Variants in PTPRK observed in about 807,000 individuals in gnomAD.
The protein encoded by PTPRK is receptor-type tyrosine-protein phosphatase kappa.
Under a neutral mutation model 178.0 loss-of-function variants are expected in PTPRK, and 75 were observed. The ratio of observed to expected loss-of-function variants is 0.42; its 90% CI spans 0.35 to 0.51. The LOEUF (loss-of-function observed/expected upper bound fraction) is 0.51, where lower values mean the gene tolerates loss of function less well. Ranked by LOEUF, PTPRK falls within the 20% of genes least tolerant of loss-of-function variation. The pLI is 0.02. For synonymous variants in PTPRK, 637 were observed against 620.6 expected (o/e 1.03, Z -0.39); for missense variants, 1,441 against 1,797.8 (o/e 0.80, Z 3.59).
intron 2 of PTPRK, among the ~76,000 whole-genome samples, chr6:128,381,086 A>T (rs1431946539): frequency 6.6e-6 from 1 of 152,080 alleles, no homozygotes; most frequent in Non-Finnish European, 1.5e-5. Flanking sequence ...CCAGTGTCTC[A>T]GCTTTAAATG....
Position 127,983,337 on chromosome 6 carries a change from T to A in PTPRK, c.3292A>T (p.Ile1098Phe). 6.2e-7 allele frequency: 1 copy of A among 1,613,822 alleles called. No homozygotes were observed. The highest frequency in any genetic ancestry group is 8.5e-7 in the Non-Finnish European group (1 of 1,179,774). ...TCTCTTTCAGCCATGTCTAGCATGA[T>A]GTCAATCACAATGTAGCAGCCAGTT... The part of the protein sequence containing the change: ...GRTGCYIVID[I>F]MLDMAEREGV... The change falls in exon 23 of 30, where the codon ATC becomes TTC. Residue 1098 changes from isoleucine to phenylalanine, a missense_variant. Ile to Phe is a conservative substitution (Grantham distance 21). Coordinates refer to ENST00000368226, the MANE Select transcript of PTPRK (RefSeq NM_002844.4).
intron 1 of PTPRK, among the ~76,000 whole-genome samples, chr6:128,411,596 T>A (rs1842315399): frequency 6.6e-6 from 1 of 152,210 alleles, no homozygotes; most frequent in Non-Finnish European, 1.5e-5. Context: ...ACAATTATAA[T>A]CTTTAGCTGC....
At chr6:128,510,817 T>C (rs1857064611) in intron 1 of PTPRK, among the ~76,000 whole-genome samples, 1 of 151,966 alleles carries the variant, frequency 6.6e-6, no homozygotes, top group Non-Finnish European at 1.5e-5. Flanking sequence ...CAAAAATTTT[T>C]TAATCTTAAA....
At chr6:128,272,725 A>T (rs543893437) in intron 3 of PTPRK, among the ~76,000 whole-genome samples, 4 of 152,282 alleles carry the variant, frequency 2.6e-5, no homozygotes, top group African/African-American at 4.8e-5. Flanking sequence ...GCTGGAGAGG[A>T]TGTAGAGAAA....
rs989876919 is a variant in PTPRK, at chr6:127,985,893, G to A, written c.3097-18C>T. The A allele has an allele frequency of 6.3e-7, 1 of 1,588,606 alleles. No individual in the cohort carries two copies. Among genetic ancestry groups the A allele is most frequent in the African/African-American group, 1.3e-5 (1 of 74,380 alleles). On this transcript the variant is annotated intron_variant, in intron 21 of 29. Transcript: ENST00000368226. ...TACCCCCTCTGTGCAAAGATGGAAA[G>A]AAATGTTTTCAAAAGCCATTTTAAT... is the stretch of plus-strand genomic sequence containing the variant.
intron 6 of PTPRK, among the ~76,000 whole-genome samples, chr6:128,211,312 A>G (rs1349591937): frequency 6.6e-6 from 1 of 152,142 alleles, no homozygotes; most frequent in Non-Finnish European, 1.5e-5. Flanking sequence ...AAAATTAATA[A>G]TCATGAACTA....
intron 6 of PTPRK, among the ~76,000 whole-genome samples, chr6:128,194,875 A>G (rs1029774518): frequency 6.6e-6 from 1 of 152,210 alleles, no homozygotes; most frequent in East Asian, 1.9e-4. Context: ...AAGGACTTGG[A>G]GTACAATAAC....
chr6:128,183,851 A>G (rs921168885), intron 7 of PTPRK, among the ~76,000 whole-genome samples: 1 of 152,052 alleles, frequency 6.6e-6, no homozygotes, highest in African/African-American at 2.4e-5. Context: ...ACTCAGTTTT[A>G]GTCATGAGGA....
intron 7 of PTPRK, among the ~76,000 whole-genome samples, chr6:128,102,219 A>G (rs1470700398): frequency 6.6e-6 from 1 of 152,232 alleles, no homozygotes; most frequent in Non-Finnish European, 1.5e-5. Flanking sequence ...AAGAACAAGT[A>G]TCTTTATCAA....
chr6:128,493,379 A>G (rs62425732), intron 1 of PTPRK, among the ~76,000 whole-genome samples: 20,310 of 151,940 alleles, frequency 0.13, 1,706 homozygotes, highest in Non-Finnish European at 0.19. Flanking sequence ...TGGCTAACAC[A>G]GTGAAACCCT....
At chr6:128,468,921 CAAAAAAAA>C (rs375371831) in intron 1 of PTPRK, among the ~76,000 whole-genome samples, 2 of 90,600 alleles carry the variant, frequency 2.2e-5, no homozygotes, top group Non-Finnish European at 4.5e-5. Context: ...AACACCTTTT[CAAAAAAAA>C]AAAAAAAAAA....
intron 8 of PTPRK, among the ~76,000 whole-genome samples, chr6:128,086,706 G>A (rs1460740306): frequency 2.6e-5 from 4 of 152,042 alleles, no homozygotes; most frequent in Non-Finnish European, 2.9e-5. Context: ...GACACATCAA[G>A]TATTCTATGT....
chr6:128,349,991 C>T (rs1832915589), intron 2 of PTPRK, among the ~76,000 whole-genome samples: 1 of 152,058 alleles, frequency 6.6e-6, no homozygotes, highest in Non-Finnish European at 1.5e-5. Context: ...GGAAGAATAG[C>T]ACATATGGGC....
intron 7 of PTPRK, among the ~76,000 whole-genome samples, chr6:128,156,819 C>G (rs4897249): frequency 0.022 from 3,312 of 151,982 alleles, 100 homozygotes; most frequent in African/African-American, 0.046. Flanking sequence ...ATACATGTGT[C>G]TGTATGTATA....
chr6:128,230,205 A>G (rs1812068739), intron 5 of PTPRK, among the ~76,000 whole-genome samples: 1 of 152,234 alleles, frequency 6.6e-6, no homozygotes, highest in African/African-American at 2.4e-5. Context: ...TGAAGAGGGC[A>G]TTAGTATGCA....
intron 13 of PTPRK, among the ~76,000 whole-genome samples, chr6:128,046,069 G>A (rs965431806): frequency 2.6e-5 from 4 of 152,080 alleles, no homozygotes; most frequent in African/African-American, 9.7e-5. Context: ...GGAAATATTA[G>A]TGCCTAACAA....
At chr6:128,047,141 T>C (rs1188924693) in intron 13 of PTPRK, among the ~76,000 whole-genome samples, 1 of 152,164 alleles carries the variant, frequency 6.6e-6, no homozygotes, top group Non-Finnish European at 1.5e-5. Context: ...CTGGTATGTC[T>C]TATGCATTTG....
At chr6:128,268,490 C>T (rs1021652030) in intron 3 of PTPRK, among the ~76,000 whole-genome samples, 3 of 152,086 alleles carry the variant, frequency 2.0e-5, no homozygotes, top group East Asian at 1.9e-4. Context: ...CTTATGATTT[C>T]GCCTTTCTTG....
intron 1 of PTPRK, among the ~76,000 whole-genome samples, chr6:128,445,451 T>A (rs1846883399): frequency 6.7e-6 from 1 of 149,774 alleles, no homozygotes; most frequent in Admixed American, 6.7e-5. Flanking sequence ...TAGTCCCTTT[T>A]CACACTGCTC....
Sources: gnomAD v4.1 joint callset for allele counts (sites outside exome capture counted in the v4.1 genomes callset) on GRCh38, gnomAD v4.1.1 for gene constraint, MANE v1.5 for transcripts, NCBI Gene and HGNC (gene_info 2026-07-23, HGNC 2026-07-21) for gene names.